TP63: variants seen among roughly 807,000 people sequenced by gnomAD.
TP63 encodes the protein tumor protein 63.
In TP63, 17 loss-of-function variants were observed where a neutral mutation model predicts 82.8. The ratio of observed to expected loss-of-function variants is 0.21; its 90% confidence interval spans 0.14 to 0.31. The LOEUF is 0.31. Ranked by LOEUF, TP63 falls within the 10% of genes least tolerant of loss-of-function variation. The pLI, the probability that TP63 is intolerant of heterozygous loss-of-function variation, is 1.00. For synonymous variants in TP63, 330 were observed against 321.7 expected, an observed-to-expected ratio of 1.03 and a Z score of -0.28; for missense variants, 648 against 895.3, an observed-to-expected ratio of 0.72 and a Z score of 3.52.
intron 1 of TP63, among the ~76,000 whole-genome samples, chr3:189,698,145 A>G (rs2108734485): frequency 6.6e-6 from 1 of 152,212 alleles, no homozygotes; most frequent in African/African-American, 2.4e-5. Context: ...GTTTCGTACC[A>G]TTACACATCA....
At chr3:189,610,026 A>G in the TP63 span, among the ~76,000 whole-genome samples, 4 of 152,106 alleles carry the variant, frequency 2.6e-5, no homozygotes, top group Non-Finnish European at 5.9e-5. Context: ...TTTCTCAGCA[A>G]TCTCACTAGC....
intron 4 of TP63, among the ~76,000 whole-genome samples, chr3:189,830,883 C>T (rs915121889): frequency 5.3e-5 from 8 of 152,160 alleles, no homozygotes; most frequent in Non-Finnish European, 1.2e-4. Flanking sequence ...ATAAACCTCA[C>T]CTATAAGGTC....
chr3:189,678,105 C>A (rs1290467121), intron 1 of TP63, among the ~76,000 whole-genome samples: 2 of 151,784 alleles, frequency 1.3e-5, no homozygotes, highest in African/African-American at 4.8e-5. Context: ...TAACTGAGTC[C>A]CATTTGTCTA....
intron 3 of TP63, among the ~76,000 whole-genome samples, chr3:189,795,350 C>G (rs1015085050): frequency 3.9e-5 from 6 of 151,998 alleles, no homozygotes; most frequent in Non-Finnish European, 8.8e-5. Flanking sequence ...CTTCTAGCCT[C>G]CGTGAATTCA....
chr3:189,723,808 A>G lies in TP63; in HGVS notation c.63-13932A>G, dbSNP rs116469086. ...TGAGTTTTCTATAATAGTTGAACAT[A>G]TACTTGTTAGATAGCATTTTATGTT... is the stretch of plus-strand genomic sequence containing the variant. On this transcript the variant is annotated intron_variant, in intron 1 of 13. Transcript: ENST00000264731. 9.2e-3 allele frequency among the ~76,000 whole-genome samples: 1,408 copies of G among 152,312 alleles called. 6 individuals carry two copies. The highest frequency in any genetic ancestry group is 0.014 in the Non-Finnish European group (925 of 68,026).
rs1223982874 is a variant in TP63 at position 189,754,086 on chromosome 3, T to C, written c.324+15312T>C. On this transcript the variant is annotated intron_variant, in intron 3 of 13. Coordinates refer to ENST00000264731, the MANE Select transcript of TP63 (RefSeq NM_003722.5). ...ATTTTATTGACTATAATATTTATTATTGCTGTTGCTCTTTATGCCAAAGCT... is the reference window on the plus strand; with the variant it reads ...ATTTTATTGACTATAATATTTATTACTGCTGTTGCTCTTTATGCCAAAGCT... Among the ~76,000 whole-genome samples the C allele has an allele frequency of 5.9e-5, 9 of 152,302 alleles. No homozygotes were observed. The East Asian group carries it at 1.2e-3, about 20-fold the overall frequency.
intron 4 of TP63, among the ~76,000 whole-genome samples, chr3:189,817,017 C>A (rs13075892): frequency 0.57 from 85,195 of 150,410 alleles, 25,021 homozygotes; most frequent in Admixed American, 0.7. Context: ...AAAAAAAAAA[C>A]CCTACAACTT....
intron 1 of TP63, among the ~76,000 whole-genome samples, chr3:189,654,727 T>C (rs1278649772): frequency 6.6e-6 from 1 of 152,228 alleles, no homozygotes; most frequent in Non-Finnish European, 1.5e-5. Flanking sequence ...CCCTTTTACA[T>C]ATGTATGAAT....
At chr3:189,826,536 G>C (rs1171296840) in intron 4 of TP63, among the ~76,000 whole-genome samples, 2 of 152,196 alleles carry the variant, frequency 1.3e-5, no homozygotes, top group Admixed American at 6.5e-5. Flanking sequence ...CCAAAGTCAG[G>C]AGTTGAGTGA....
chr3:189,616,622 G>A, the TP63 span, among the ~76,000 whole-genome samples: 1 of 152,172 alleles, frequency 6.6e-6, no homozygotes, highest in Non-Finnish European at 1.5e-5. Flanking sequence ...CTAAGTTCTG[G>A]TCCTGCTTGG....
intron 4 of TP63, among the ~76,000 whole-genome samples, chr3:189,823,016 T>G (rs1475217524): frequency 6.6e-6 from 1 of 152,152 alleles, no homozygotes; most frequent in Non-Finnish European, 1.5e-5. Flanking sequence ...GCCTCTGAAG[T>G]TCCCCTTGAA....
chr3:189,761,604 T>C (rs1429174289), intron 3 of TP63, among the ~76,000 whole-genome samples: 2 of 152,166 alleles, frequency 1.3e-5, no homozygotes, highest in African/African-American at 4.8e-5. Context: ...TGCATTATCT[T>C]GTCTTCTGAG....
chr3:189,885,946 A>T (rs2108853225), intron 10 of TP63, among the ~76,000 whole-genome samples: 1 of 152,364 alleles, frequency 6.6e-6, no homozygotes, highest in South Asian at 2.1e-4. Flanking sequence ...AATGGAATAT[A>T]CAGAAAGCTA....
intron 1 of TP63, among the ~76,000 whole-genome samples, chr3:189,721,261 T>G (rs986183362): frequency 6.6e-6 from 1 of 152,204 alleles, no homozygotes; most frequent in Non-Finnish European, 1.5e-5. Flanking sequence ...GGGCTACTTG[T>G]GTAACAGAGA....
intron 1 of TP63, among the ~76,000 whole-genome samples, chr3:189,692,007 C>A (rs1716973783): frequency 6.6e-6 from 1 of 152,150 alleles, no homozygotes; most frequent in Non-Finnish European, 1.5e-5. Context: ...TGACACAATT[C>A]AATGCTTTTC....
At chr3:189,839,488 C>CA (rs1461088768) in intron 4 of TP63, among the ~76,000 whole-genome samples, 3 of 152,112 alleles carry the variant, frequency 2.0e-5, no homozygotes, top group African/African-American at 7.2e-5. Context: ...AGTATTGAAA[C>CA]AGGCCTTCTA....
intron 4 of TP63, among the ~76,000 whole-genome samples, 182 bp downstream of exon 4, chr3:189,808,708 A>G (rs1354444039): frequency 1.3e-5 from 2 of 152,272 alleles, no homozygotes; most frequent in Admixed American, 6.5e-5. Flanking sequence ...AAAAGTCCCA[A>G]TTTAGGAACC....
intron 1 of TP63, among the ~76,000 whole-genome samples, chr3:189,643,836 C>T (rs554440498): frequency 2.6e-5 from 4 of 152,266 alleles, no homozygotes; most frequent in Non-Finnish European, 5.9e-5. Context: ...ATTTTTTAGA[C>T]AACACTGCTG....
In TP63 at chr3:189,804,804, C is replaced by T. The variant is rs567222304; in HGVS notation, c.325-3468C>T. On this transcript the variant is annotated intron_variant, in intron 3 of 13. Coordinates refer to ENST00000264731, the MANE Select transcript of TP63 (RefSeq NM_003722.5). ...TTCAAAGTTAGTAGTGTCAGTTTTA[C>T]GCTTTCCAGGAAAAGACAACGGAGT... Among the ~76,000 whole-genome samples, 5 of 152,266 alleles carry T rather than the reference C, an allele frequency of 3.3e-5. No individual in the cohort carries two copies. The South Asian group carries it at 6.2e-4, about 19-fold the overall frequency.
Sources: allele counts gnomAD v4.1 joint callset (sites outside exome capture counted in the v4.1 genomes callset), GRCh38; gene constraint gnomAD v4.1.1; transcripts MANE v1.5; gene names NCBI Gene and HGNC (gene_info 2026-07-23, HGNC 2026-07-21).